COQ10B: variants seen among roughly 807,000 people sequenced by gnomAD.
COQ10B encodes coenzyme Q-binding protein COQ10 homolog B, mitochondrial.
In COQ10B, 12 loss-of-function variants were observed where a neutral mutation model predicts 27.6. The observed-to-expected ratio is 0.43, with a 90% CI of 0.28 to 0.70. The LOEUF (loss-of-function observed/expected upper bound fraction) is 0.70. Among genes scored for constraint, COQ10B ranks in the 30% least tolerant of loss-of-function variants. COQ10B has a pLI of 0.17. For missense variants in COQ10B, 278 were observed against 288.7 expected (o/e 0.96, Z 0.27); for synonymous variants, 115 against 103.0 (o/e 1.12, Z -0.71).
In COQ10B at chr2:197,463,890, C is replaced by T. The variant is rs189254626; in HGVS notation, c.447+1159C>T. Among the ~76,000 whole-genome samples the T allele has an allele frequency of 6.6e-4, 82 of 123,710 alleles. No individual in the cohort carries two copies. In the East Asian group the frequency reaches 0.017, roughly 25 times the overall value. 81.2% of individuals were successfully genotyped at this position (123,710 alleles called of 152,430 possible). On this transcript the variant is annotated intron_variant, in intron 3 of 4. Coordinates refer to ENST00000263960, the MANE Select transcript of COQ10B (RefSeq NM_025147.5). ...CAGAGGTTGCAGTGAGCTGAGATCG[C>T]GCCAGTGCACTCCAGCCTGGGCAAC...
rs1201336139 is a variant in COQ10B at position 197,463,992 on chromosome 2, TATATACAC to T, written c.447+1263_447+1270del. Among the ~76,000 whole-genome samples, 443 of 65,722 alleles carry T rather than the reference TATATACAC, an allele frequency of 6.7e-3. 7 individuals carry two copies. The highest frequency in any genetic ancestry group is 0.024 in the African/African-American group (416 of 17,680). The allele number at this position is 65,722 out of a possible 152,430, so 43.1% of individuals were successfully genotyped here. On this transcript the variant is annotated intron_variant, in intron 3 of 4. Coordinates refer to ENST00000263960, the MANE Select transcript of COQ10B (RefSeq NM_025147.5). ...ATATATATATATATATATATATATA[TATATACAC>T]ACACACACACACACACACACACACA...
At chr2:197,463,451 A>G (rs370280706) in intron 3 of COQ10B, among the ~76,000 whole-genome samples, 33 of 151,976 alleles carry the variant, frequency 2.2e-4, no homozygotes, top group African/African-American at 6.5e-4. Flanking sequence ...AGCCTGGGCA[A>G]CACAGTGAGA....
intron 1 of COQ10B, chr2:197,453,943 C>T (rs2085666374): frequency 7.7e-6 from 12 of 1,548,616 alleles, no homozygotes; most frequent in Non-Finnish European, 1.0e-5. Context: ...TGCCTTTGGG[C>T]TCTTCCGGTC....
chr2:197,457,066 A>T (rs1340931593), intron 1 of COQ10B, among the ~76,000 whole-genome samples: 1 of 152,200 alleles, frequency 6.6e-6, no homozygotes, highest in Non-Finnish European at 1.5e-5. Flanking sequence ...TTAGATTCTC[A>T]TAAGGAGCAA....
intron 4 of COQ10B, among the ~76,000 whole-genome samples, chr2:197,473,264 T>C (rs1397292232): frequency 6.6e-6 from 1 of 150,962 alleles, no homozygotes; most frequent in Non-Finnish European, 1.5e-5. Context: ...TTAAAAAAAA[T>C]CTTTCTGGCT....
chr2:197,457,383 A>ATTT (rs1390511876), intron 1 of COQ10B, among the ~76,000 whole-genome samples: 1 of 152,200 alleles, frequency 6.6e-6, no homozygotes, highest in Admixed American at 6.5e-5. Context: ...GGATGTGTTA[A>ATTT]TTACCCTGAT....
At position 197,459,915 on chromosome 2, in the gene COQ10B, G is replaced by T; in HGVS notation, c.105-17G>T. 1 of 1,565,544 alleles carries T rather than the reference G, an allele frequency of 6.4e-7. No homozygotes were observed. The highest frequency in any genetic ancestry group is 1.2e-5 in the South Asian group (1 of 82,652). On this transcript the variant is annotated splice_polypyrimidine_tract_variant and intron_variant, in intron 1 of 4. Coordinates refer to ENST00000263960, the MANE Select transcript of COQ10B (RefSeq NM_025147.5). ...TTTTTACTGTCACTCTAAATCAGGTGATTTTTGTCTTTTCAGATATTTAGC... is the reference window on the plus strand; with the variant it reads ...TTTTTACTGTCACTCTAAATCAGGTTATTTTTGTCTTTTCAGATATTTAGC...
chr2:197,473,911 T>C lies in COQ10B; in HGVS notation c.704T>C (p.Val235Ala). 1.9e-6 allele frequency: 3 copies of C among 1,556,594 alleles called. No homozygotes were observed. The highest frequency in any genetic ancestry group is 1.7e-6 in the Non-Finnish European group (2 of 1,148,234). ...CCTCGGGAGTTAATGCTTCATGAAGTCCATCACACATAAAGGCAAAAAAGA... is the reference window on the plus strand; with the variant it reads ...CCTCGGGAGTTAATGCTTCATGAAGCCCATCACACATAAAGGCAAAAAAGA... ...NIPRELMLHE[V>A]HHT Residue 235 changes from valine (V) to alanine (A), a missense_variant, in exon 5 of 5, where the codon GTC becomes GCC. Val to Ala is a moderately conservative substitution (Grantham distance 64, BLOSUM62 0). Transcript: ENST00000263960.
intron 2 of COQ10B, among the ~76,000 whole-genome samples, chr2:197,460,570 CATGTA>C (rs2085745848): frequency 6.6e-6 from 1 of 152,136 alleles, no homozygotes; most frequent in Admixed American, 6.6e-5. Flanking sequence ...AAATCTTTGA[CATGTA>C]AAGAAAATTA....
intron 2 of COQ10B, 69 bp downstream of exon 2, chr2:197,460,150 C>T (rs542883919): frequency 8.5e-6 from 9 of 1,061,144 alleles, no homozygotes; most frequent in Non-Finnish European, 1.1e-5. Context: ...CGTGTTGTGC[C>T]TCTTTCTCTC....
At chr2:197,460,189 C>A in intron 2 of COQ10B, 108 bp downstream of exon 2, 1 of 669,702 alleles carries the variant, frequency 1.5e-6, no homozygotes, top group Non-Finnish European at 2.3e-6. Flanking sequence ...ACTAAGCTCT[C>A]TTTTCTAGGT....
intron 1 of COQ10B, chr2:197,453,936 C>G (rs1410096712): frequency 1.3e-6 from 2 of 1,548,282 alleles, no homozygotes; most frequent in African/African-American, 1.4e-5. Context: ...CCATTGGTGC[C>G]TTTGGGCTCT....
intron 1 of COQ10B, 127 bp from the exon 2 acceptor site, chr2:197,459,805 A>T: frequency 1.8e-6 from 1 of 558,572 alleles, no homozygotes; most frequent in Non-Finnish European, 2.9e-6. Context: ...GTGTGTGTGT[A>T]TTTTTTCAGA....
At chr2:197,463,739 C>T (rs2085786104) in intron 3 of COQ10B, among the ~76,000 whole-genome samples, 1 of 150,350 alleles carries the variant, frequency 6.7e-6, no homozygotes, top group Admixed American at 6.7e-5. Context: ...TTGAGATTAG[C>T]CTGGCCAACA....
At chr2:197,460,624 AT>A (rs2085747632) in intron 2 of COQ10B, among the ~76,000 whole-genome samples, 1 of 152,204 alleles carries the variant, frequency 6.6e-6, no homozygotes, top group Non-Finnish European at 1.5e-5. Flanking sequence ...TCTTTTCTGT[AT>A]TAGCAACATT....
intron 3 of COQ10B, among the ~76,000 whole-genome samples, chr2:197,466,955 T>TG (rs948493901): frequency 3.9e-5 from 6 of 152,028 alleles, no homozygotes; most frequent in African/African-American, 7.2e-5. Context: ...GATTTTTTTT[T>TG]TTTTTTTGAG....
At position 197,471,452 on chromosome 2, in the gene COQ10B, C is replaced by T. The variant is rs548520631; in HGVS notation, c.549+1281C>T. The stretch of plus-strand genomic sequence containing the variant: ...CCACCGCACCCAGCCTAGTAACTTT[C>T]TTTTTCATATAATCGTAGTTATAGA... On this transcript the variant is annotated intron_variant, in intron 4 of 4. Coordinates refer to ENST00000263960, the MANE Select transcript of COQ10B (RefSeq NM_025147.5). Among the ~76,000 whole-genome samples, 5 of 152,116 alleles carry T rather than the reference C, an allele frequency of 3.3e-5. No homozygotes were observed. The East Asian group carries it at 9.8e-4, about 30-fold the overall frequency.
chr2:197,475,116 G>A lies in COQ10B; in HGVS notation c.*1192G>A, dbSNP rs1218544071. On this transcript the variant is annotated 3_prime_UTR_variant, in exon 5 of 5. Transcript: ENST00000263960. The stretch of plus-strand genomic sequence containing the variant: ...AGTAGCAATGTAATAAAGTTAATTT[G>A]TTTATTTTTTGTACAGTTAGTTTGG... 6.6e-6 allele frequency: 1 copy of A among 152,186 alleles called. No homozygotes were observed. The highest frequency in any genetic ancestry group is 2.4e-5 in the African/African-American group (1 of 41,394). 9.4% of individuals were successfully genotyped at this position (152,186 alleles called of 1,614,324 possible).
chr2:197,473,629 T>A, intron 4 of COQ10B, 128 bp from the exon 5 acceptor site: 1 of 581,734 alleles, frequency 1.7e-6, no homozygotes, highest in African/African-American at 2.0e-5. Flanking sequence ...GAGGCTGCAG[T>A]GAGCCGCAAT....
Sources: allele counts gnomAD v4.1 joint callset (sites outside exome capture counted in the v4.1 genomes callset), GRCh38; gene constraint gnomAD v4.1.1; transcripts MANE v1.5; gene names NCBI Gene and HGNC (gene_info 2026-07-23, HGNC 2026-07-21).